LZTFL1: variants seen among roughly 807,000 people sequenced by gnomAD.
LZTFL1 encodes leucine zipper transcription factor like 1.
Under a neutral mutation model 45.9 loss-of-function variants are expected in LZTFL1, and 25 were observed. The ratio of observed to expected loss-of-function variants is 0.54; its 90% CI spans 0.40 to 0.76. The LOEUF is 0.76. Ranked by LOEUF, LZTFL1 falls within the 30% of genes least tolerant of loss-of-function variation. The probability of loss-of-function intolerance (pLI) is 0.00; values close to 1 mark genes in which losing one functional copy is unlikely to be tolerated. For missense variants in LZTFL1, 277 were observed against 331.1 expected (o/e 0.84, Z 1.27); for synonymous variants, 93 against 117.4 (o/e 0.79, Z 1.35).
At chr3:45,907,365 A>C (rs1056239983) in intron 2 of LZTFL1, among the ~76,000 whole-genome samples, 1 of 152,074 alleles carries the variant, frequency 6.6e-6, no homozygotes, top group Non-Finnish European at 1.5e-5. Flanking sequence ...CTGGACGAAC[A>C]CTGTGCCTGC....
intron 2 of LZTFL1, among the ~76,000 whole-genome samples, chr3:45,909,452 T>C (rs564855618): frequency 2.0e-5 from 3 of 152,198 alleles, no homozygotes; most frequent in Non-Finnish European, 4.4e-5. Flanking sequence ...TTCTTTCCTT[T>C]CCTCTTCTTT....
chr3:45,893,142 C>CCT (rs1050098172), intron 2 of LZTFL1, among the ~76,000 whole-genome samples: 6 of 151,132 alleles, frequency 4.0e-5, no homozygotes, highest in African/African-American at 1.2e-4. Context: ...ACTCCCCTTC[C>CCT]CTCTCTCTCT....
rs1209505741 is a variant in LZTFL1 at position 45,824,759 on chromosome 3, C to A, written c.*1555G>T. 2.5e-6 allele frequency: 1 copy of A among 397,866 alleles called. No homozygotes were observed. Among genetic ancestry groups the A allele is most frequent in the Non-Finnish European group, 4.4e-6 (1 of 225,716 alleles). The allele number at this position is 397,866 out of a possible 1,614,324, so 24.6% of individuals were successfully genotyped here. ...TACATAGAACATCTTGGTCCACAGA[C>A]AATGGAATGGATTTTTGGAGAGAGT... On this transcript the variant is annotated 3_prime_UTR_variant, in exon 10 of 10. Coordinates refer to ENST00000296135, the MANE Select transcript of LZTFL1 (RefSeq NM_020347.4).
chr3:45,841,735 G>T, intron 1 of LZTFL1: 1 of 583,144 alleles, frequency 1.7e-6, no homozygotes, highest in Non-Finnish European at 3.1e-6. Context: ...GCCCCCGCAG[G>T]CAGGAGAGAA....
At chr3:45,843,573 G>C (rs1019129802), upstream of LZTFL1, among the ~76,000 whole-genome samples, 2 of 152,206 alleles carry the variant, frequency 1.3e-5, no homozygotes, top group African/African-American at 4.8e-5. Flanking sequence ...GGAATGAAAG[G>C]AGCGTGTGTA....
intron 7 of LZTFL1, among the ~76,000 whole-genome samples, chr3:45,830,560 G>A (rs1429273162): frequency 6.6e-6 from 1 of 151,914 alleles, no homozygotes; most frequent in Non-Finnish European, 1.5e-5. Context: ...CACTGTAATT[G>A]GATGTCAAAG....
intron 1 of LZTFL1, chr3:45,841,704 A>C (rs986709761): frequency 1.1e-5 from 6 of 561,068 alleles, no homozygotes; most frequent in African/African-American, 1.9e-5. Context: ...CCTGCCACCT[A>C]AGAGTTGTGC....
At chr3:45,907,445 T>C (rs889396552) in intron 2 of LZTFL1, among the ~76,000 whole-genome samples, 3 of 152,246 alleles carry the variant, frequency 2.0e-5, no homozygotes, top group African/African-American at 7.2e-5. Flanking sequence ...TGTCTCTTCC[T>C]GCATCTGCTG....
chr3:45,906,841 C>T (rs146440059), intron 2 of LZTFL1, among the ~76,000 whole-genome samples: 108 of 152,350 alleles, frequency 7.1e-4, no homozygotes, highest in African/African-American at 2.5e-3. Flanking sequence ...CTTAGAATTC[C>T]TGCTGTTGGC....
chr3:45,885,191 G>A (rs1485428579), intron 2 of LZTFL1, among the ~76,000 whole-genome samples: 2 of 152,134 alleles, frequency 1.3e-5, no homozygotes, highest in Admixed American at 6.5e-5. Context: ...ATGACAGAGC[G>A]GCATTGAGTC....
Position 45,911,737 on chromosome 3 carries a change from C to T in LZTFL1, c.-215+1383G>A, listed in dbSNP as rs77463018. On this transcript the variant is annotated intron_variant, in intron 2 of 4. Coordinates refer to the LZTFL1 transcript ENST00000472635. Reference sequence around the variant, plus strand: ...GCCCTCCCCGCTCATGGCTTTATGCCGTTCAGCTTTGCTGGTAAGTAGGTC... The same window carrying T: ...GCCCTCCCCGCTCATGGCTTTATGCTGTTCAGCTTTGCTGGTAAGTAGGTC... 3.9e-3 allele frequency among the ~76,000 whole-genome samples: 598 copies of T among 152,352 alleles called. 8 individuals are homozygous for T. Among genetic ancestry groups the T allele is most frequent in the African/African-American group, 0.013 (551 of 41,590 alleles).
chr3:45,868,904 T>C (rs920265016), intron 2 of LZTFL1, among the ~76,000 whole-genome samples: 2 of 152,174 alleles, frequency 1.3e-5, no homozygotes, highest in African/African-American at 4.8e-5. Context: ...TGGCCCAGCA[T>C]CATGGGCATT....
At chr3:45,831,447 C>T (rs1700814700) in intron 5 of LZTFL1, among the ~76,000 whole-genome samples, 1 of 152,164 alleles carries the variant, frequency 6.6e-6, no homozygotes, top group Admixed American at 6.5e-5. Context: ...CAACTTTCTC[C>T]TAGCTGGTCC....
intron 2 of LZTFL1, among the ~76,000 whole-genome samples, chr3:45,893,999 A>G (rs990530101): frequency 2.6e-5 from 4 of 152,048 alleles, no homozygotes; most frequent in Non-Finnish European, 5.9e-5. Flanking sequence ...GAAAGAGGCT[A>G]TTTTTTTCGA....
intron 2 of LZTFL1, among the ~76,000 whole-genome samples, chr3:45,903,968 G>A (rs530816416): frequency 6.6e-6 from 1 of 152,224 alleles, no homozygotes; most frequent in East Asian, 1.9e-4. Flanking sequence ...TAGGTGCAAA[G>A]AACACAGCTG....
At chr3:45,897,670 C>A in intron 2 of LZTFL1, 1 of 1,422,792 alleles carries the variant, frequency 7.0e-7, no homozygotes, top group Non-Finnish European at 9.4e-7. Flanking sequence ...GGCCTTCCCA[C>A]CTGCCCCCTC....
At chr3:45,889,637 C>T (rs913061327) in intron 2 of LZTFL1, among the ~76,000 whole-genome samples, 7 of 151,736 alleles carry the variant, frequency 4.6e-5, no homozygotes, top group Non-Finnish European at 1.0e-4. Flanking sequence ...CAGTCTCCTT[C>T]CAGAAAATGT....
intron 2 of LZTFL1, among the ~76,000 whole-genome samples, chr3:45,871,206 T>G (rs531960863): frequency 6.6e-6 from 1 of 152,326 alleles, no homozygotes; most frequent in African/African-American, 2.4e-5. Context: ...ATTGAATTTC[T>G]CCAGAGGGGA....
Position 45,842,044 on chromosome 3 carries a change from C to A in LZTFL1, c.-53G>T. On this transcript the variant is annotated 5_prime_UTR_variant, in exon 1 of 10. Coordinates refer to ENST00000296135, the MANE Select transcript of LZTFL1 (RefSeq NM_020347.4). ...GGAACGGGAGAGGCCAGGCGGTGCC[C>A]CGCCAAGCCTGGGATCGCCGAGGGT... is the stretch of plus-strand genomic sequence containing the variant. 6.2e-7 allele frequency: 1 copy of A among 1,603,888 alleles called. No homozygotes were observed. The highest frequency in any genetic ancestry group is 1.1e-5 in the South Asian group (1 of 89,900).
Sources: allele counts gnomAD v4.1 joint callset (sites outside exome capture counted in the v4.1 genomes callset), GRCh38; gene constraint gnomAD v4.1.1; transcripts MANE v1.5; gene names NCBI Gene and HGNC (gene_info 2026-07-23, HGNC 2026-07-21).